GNAI1: variants seen among roughly 807,000 people sequenced by gnomAD.
The protein encoded by GNAI1 is G protein subunit alpha i1.
In GNAI1, 11 loss-of-function variants were observed where a neutral mutation model predicts 38.9. The observed-to-expected ratio is 0.28, with a 90% CI of 0.18 to 0.47. The LOEUF is 0.47. GNAI1 is among the 20% of genes least tolerant of loss of function. The pLI, the probability that GNAI1 is intolerant of heterozygous loss-of-function variation, is 0.99. For synonymous variants in GNAI1, 166 were observed against 145.1 expected, an observed-to-expected ratio of 1.14 and a Z score of -1.04; for missense variants, 317 against 436.9, an observed-to-expected ratio of 0.73 and a Z score of 2.45.
chr7:80,200,156 T>G (rs889196605), intron 4 of GNAI1, among the ~76,000 whole-genome samples: 1 of 151,228 alleles, frequency 6.6e-6, no homozygotes, highest in African/African-American at 2.4e-5. Context: ...CCCCACCATC[T>G]CTACAAAAAA....
At chr7:80,197,769 A>C (rs1387242090) in intron 3 of GNAI1, among the ~76,000 whole-genome samples, 4 of 152,070 alleles carry the variant, frequency 2.6e-5, no homozygotes, top group African/African-American at 9.7e-5. Context: ...TCATGCTGAG[A>C]GACTTAATTA....
At chr7:80,180,208 T>TTCCTGTTTAGAACCA (rs1336817772) in intron 1 of GNAI1, among the ~76,000 whole-genome samples, 3 of 152,198 alleles carry the variant, frequency 2.0e-5, no homozygotes, top group African/African-American at 7.2e-5. Flanking sequence ...AAACATCCTC[T>TTCCTGTTTAGAACCA]TCCTGTGTGG....
intron 1 of GNAI1, among the ~76,000 whole-genome samples, chr7:80,166,530 G>A (rs1258926868): frequency 1.3e-5 from 2 of 152,042 alleles, no homozygotes; most frequent in Non-Finnish European, 2.9e-5. Context: ...AAGATAGTTG[G>A]AGGAACTGGA....
At chr7:80,217,188 A>G (rs879007523) in intron 7 of GNAI1, 115 bp from the exon 8 acceptor site, 14 of 153,304 alleles carry the variant, frequency 9.1e-5, no homozygotes, top group South Asian at 1.7e-4. Context: ...TAAGGAGTCC[A>G]TGAATGAAAC....
chr7:80,147,641 A>G (rs925917366), intron 1 of GNAI1, among the ~76,000 whole-genome samples: 1 of 152,082 alleles, frequency 6.6e-6, no homozygotes, highest in Non-Finnish European at 1.5e-5. Context: ...CTTCCCCATC[A>G]CTTCAGCTCT....
chr7:80,182,241 C>T (rs981877993), intron 1 of GNAI1, among the ~76,000 whole-genome samples: 2 of 152,160 alleles, frequency 1.3e-5, no homozygotes, highest in African/African-American at 4.8e-5. Context: ...TTTCTTCATT[C>T]ATCTCTTGAC....
At position 80,194,776 on chromosome 7, in the gene GNAI1, T is replaced by C. The variant is rs59217201; in HGVS notation, c.304-4449T>C. Among the ~76,000 whole-genome samples the C allele has an allele frequency of 2.0e-3, 299 of 152,208 alleles. 1 individual carries two copies. The highest frequency in any genetic ancestry group is 6.7e-3 in the African/African-American group (278 of 41,564). ...GTAATAAGTTCAGATTTGGGATTTT[T>C]TTCCCCTATGGATCTGCCTTCATAG... On this transcript the variant is annotated intron_variant, in intron 3 of 7. Transcript: ENST00000649796.
intron 1 of GNAI1, among the ~76,000 whole-genome samples, chr7:80,173,135 C>G (rs1440095139): frequency 6.6e-6 from 1 of 152,122 alleles, no homozygotes; most frequent in African/African-American, 2.4e-5. Context: ...AAGGACACCT[C>G]CTCCACTTCC....
At chr7:80,147,242 T>C (rs1463396378) in intron 1 of GNAI1, among the ~76,000 whole-genome samples, 1 of 152,090 alleles carries the variant, frequency 6.6e-6, no homozygotes, top group African/African-American at 2.4e-5. Context: ...AATATTTGTA[T>C]TCCCCCAAAA....
At chr7:80,206,714 A>T (rs1290882848) in intron 5 of GNAI1, among the ~76,000 whole-genome samples, 1 of 151,992 alleles carries the variant, frequency 6.6e-6, no homozygotes, top group Non-Finnish European at 1.5e-5. Flanking sequence ...ATTCGAGGGG[A>T]TACGTTCCAA....
At chr7:80,146,716 G>A (rs1265094783) in intron 1 of GNAI1, among the ~76,000 whole-genome samples, 1 of 152,132 alleles carries the variant, frequency 6.6e-6, no homozygotes, top group Admixed American at 6.6e-5. Flanking sequence ...AGTCCTAGAG[G>A]AGGTAATCTT....
chr7:80,141,070 A>AGTTAAT (rs745741545), intron 1 of GNAI1, among the ~76,000 whole-genome samples: 4 of 152,154 alleles, frequency 2.6e-5, no homozygotes, highest in Admixed American at 6.5e-5. Context: ...CACATAATCC[A>AGTTAAT]AGTTAATAGT....
intron 1 of GNAI1, among the ~76,000 whole-genome samples, chr7:80,180,271 T>G (rs1398638452): frequency 6.6e-6 from 1 of 152,090 alleles, no homozygotes; most frequent in Non-Finnish European, 1.5e-5. Context: ...GAAGTAAAAT[T>G]TCTTACCCTT....
chr7:80,197,778 T>A (rs1408162485), intron 3 of GNAI1, among the ~76,000 whole-genome samples: 1 of 152,120 alleles, frequency 6.6e-6, no homozygotes, highest in East Asian at 1.9e-4. Context: ...GAGACTTAAT[T>A]ATTTTTCATG....
chr7:80,160,206 T>G (rs929640222), intron 1 of GNAI1, among the ~76,000 whole-genome samples: 4 of 149,850 alleles, frequency 2.7e-5, no homozygotes, highest in East Asian at 2.0e-4. Context: ...TTAGACAGTT[T>G]TTTTTTTTTT....
At chr7:80,154,163 T>C (rs893854407) in intron 1 of GNAI1, among the ~76,000 whole-genome samples, 1 of 152,182 alleles carries the variant, frequency 6.6e-6, no homozygotes, top group African/African-American at 2.4e-5. Context: ...ACTCAAGTAG[T>C]CTGCCCACCT....
chr7:80,158,529 T>C (rs1027436570), intron 1 of GNAI1, among the ~76,000 whole-genome samples: 1 of 152,098 alleles, frequency 6.6e-6, no homozygotes, highest in Admixed American at 6.5e-5. Context: ...GATCTGGTGG[T>C]TTTATAAGGG....
chr7:80,210,930 A>G (rs180900091), intron 5 of GNAI1, 39 bp from the exon 6 acceptor site: 1 of 1,589,400 alleles, frequency 6.3e-7, no homozygotes, highest in Non-Finnish European at 8.6e-7. Flanking sequence ...AGCTTTTTGA[A>G]CATTTAATGT....
intron 1 of GNAI1, 99 bp from the exon 2 acceptor site, chr7:80,188,852 C>CTGGG: frequency 1.3e-6 from 1 of 751,290 alleles, no homozygotes; most frequent in Non-Finnish European, 2.3e-6. Context: ...CAGAGAGAGA[C>CTGGG]TGGGTGTGTG....
Sources: allele counts gnomAD v4.1 joint callset (sites outside exome capture counted in the v4.1 genomes callset), GRCh38; gene constraint gnomAD v4.1.1; transcripts MANE v1.5; gene names NCBI Gene and HGNC (gene_info 2026-07-23, HGNC 2026-07-21).